Variants in RSPH14 observed in about 807,000 individuals in gnomAD.
The protein encoded by RSPH14 is rhabdoid tumor deletion region gene 1.
Under a neutral mutation model 26.7 loss-of-function variants are expected in RSPH14, and 20 were observed. The ratio of observed to expected loss-of-function variants is 0.75; its 90% confidence interval spans 0.53 to 1.09. The LOEUF is 1.09. Among genes scored for constraint, RSPH14 ranks in the 50% least tolerant of loss-of-function variants. The pLI is 0.00. For synonymous variants in RSPH14, 177 were observed against 189.3 expected, an observed-to-expected ratio of 0.93 and a Z score of 0.53; for missense variants, 449 against 457.2, an observed-to-expected ratio of 0.98 and a Z score of 0.16.
chr22:23,154,689 C>G, the RSPH14 span, among the ~76,000 whole-genome samples: 49 of 152,342 alleles, frequency 3.2e-4, no homozygotes, highest in East Asian at 8.7e-3. Flanking sequence ...ACATTGAGGC[C>G]TTTGCCAGCC....
chr22:23,073,850 G>A (rs5996463), intron 4 of RSPH14, among the ~76,000 whole-genome samples: 116 of 152,168 alleles, frequency 7.6e-4, no homozygotes, highest in African/African-American at 2.7e-3. Context: ...CACACCAGAC[G>A]GGCAGGGGTT....
At chr22:23,091,584 GCACA>G (rs2146303592) in intron 4 of RSPH14, among the ~76,000 whole-genome samples, 1 of 149,578 alleles carries the variant, frequency 6.7e-6, no homozygotes, top group South Asian at 2.1e-4. Context: ...CAGTGGATTT[GCACA>G]CACACAGGCA....
In RSPH14 at chr22:23,085,446, G is replaced by A. The variant is rs1021679035; in HGVS notation, c.422-21313C>T. 2.6e-5 allele frequency among the ~76,000 whole-genome samples: 4 copies of A among 152,182 alleles called. No homozygotes were observed. In the East Asian group the frequency reaches 7.7e-4, roughly 29 times the overall value. On this transcript the variant is annotated intron_variant, in intron 4 of 6. Coordinates refer to ENST00000216036, the MANE Select transcript of RSPH14 (RefSeq NM_014433.3). ...TAGCAGGTTGAGTGACTGATCAGTT[G>A]CCCATACAGATCTGAGGGTGGAAGG...
At chr22:23,094,981 T>C (rs1011431023) in intron 4 of RSPH14, among the ~76,000 whole-genome samples, 20 of 152,202 alleles carry the variant, frequency 1.3e-4, no homozygotes, top group Non-Finnish European at 2.9e-5. Flanking sequence ...GCATGGGGGC[T>C]GGGTGGGCAG....
At chr22:23,120,035 C>T (rs1048104208) in intron 4 of RSPH14, among the ~76,000 whole-genome samples, 1 of 152,184 alleles carries the variant, frequency 6.6e-6, no homozygotes, top group South Asian at 2.1e-4. Flanking sequence ...GGCCCACACT[C>T]GGGAGATGTT....
chr22:23,066,681 G>C (rs1441054712), intron 4 of RSPH14, among the ~76,000 whole-genome samples: 2 of 152,206 alleles, frequency 1.3e-5, no homozygotes, highest in Non-Finnish European at 2.9e-5. Context: ...TCAAGTGGGG[G>C]TGGGGCACAC....
intron 4 of RSPH14, chr22:23,132,711 T>C (rs2070381424): frequency 6.6e-6 from 1 of 152,196 alleles, no homozygotes. Flanking sequence ...TTGGTACAAG[T>C]ATTTTATTCA....
intron 4 of RSPH14, among the ~76,000 whole-genome samples, chr22:23,067,181 T>C (rs557609223): frequency 5.3e-5 from 8 of 152,228 alleles, no homozygotes; most frequent in South Asian, 2.1e-4. Flanking sequence ...CGGATGTCCA[T>C]GGTGTGGAGC....
intron 4 of RSPH14, chr22:23,123,250 C>T (rs1214420728): frequency 1.2e-6 from 2 of 1,614,162 alleles, no homozygotes; most frequent in Non-Finnish European, 1.7e-6. Context: ...GGCCAGAACA[C>T]GTACGAGGAG....
chr22:23,114,927 G>A lies in RSPH14; in HGVS notation c.421+19099C>T, dbSNP rs542090589. 2.6e-5 allele frequency among the ~76,000 whole-genome samples: 4 copies of A among 152,320 alleles called. No individual in the cohort carries two copies. The East Asian group carries it at 7.7e-4, about 29-fold the overall frequency. On this transcript the variant is annotated intron_variant, in intron 4 of 6. Transcript: ENST00000216036. ...GGTGAGGAAAGGGAGAGGGCAGTGG[G>A]GACTGCCATGAAGGCATCTCAGAAG...
rs1980224944 is a variant in RSPH14 at position 23,137,228 on chromosome 22, G to A, written c.302+1612C>T. ...GTGCCTCAGCCTCCTGAGTAGCTGG[G>A]ACTACAGGCATGTGTCATCATGCTC... On this transcript the variant is annotated intron_variant, in intron 3 of 6. Coordinates refer to ENST00000216036, the MANE Select transcript of RSPH14 (RefSeq NM_014433.3). Among the ~76,000 whole-genome samples the A allele has an allele frequency of 1.4e-5, 2 of 138,384 alleles. 1 individual carries two copies. The allele number at this position is 138,384 out of a possible 152,430, so 90.8% of individuals were successfully genotyped here.
chr22:23,063,925 G>A lies in RSPH14; in HGVS notation c.630C>T (p.Ala210=), dbSNP rs145738635. 596 of 1,614,154 alleles carry A rather than the reference G, an allele frequency of 3.7e-4. 5 individuals carry two copies. In the African/African-American group the frequency reaches 4.6e-3, roughly 13 times the overall value. The part of the protein sequence containing the change: ...LSANQNIRSK[A]ARALLNVSIS... ...ACCTGACATTAAGGAGCGCACGGGC[G>A]GCCTTGCTGCGGATGTTCTGGTTGG... is the stretch of plus-strand genomic sequence containing the variant. The change falls in exon 5 of 7, where the codon GCC becomes GCT. Residue 210 remains alanine, a synonymous_variant. Coordinates refer to ENST00000216036, the MANE Select transcript of RSPH14 (RefSeq NM_014433.3).
chr22:23,180,145 T>C, the RSPH14 span: 3 of 247,310 alleles, frequency 1.2e-5, no homozygotes, highest in Non-Finnish European at 2.4e-5. Flanking sequence ...GTGGTGGGGC[T>C]TGGGGACACG....
the RSPH14 span, among the ~76,000 whole-genome samples, chr22:23,154,171 G>A: frequency 1.3e-5 from 2 of 152,038 alleles, no homozygotes; most frequent in Non-Finnish European, 2.9e-5. Flanking sequence ...CTGCAGGCCT[G>A]CCTGGGCTCG....
At chr22:23,128,416 C>A (rs2070235094) in intron 4 of RSPH14, among the ~76,000 whole-genome samples, 1 of 152,224 alleles carries the variant, frequency 6.6e-6, no homozygotes, top group South Asian at 2.1e-4. Flanking sequence ...GGAGCCTGGG[C>A]TGGCAGCCTG....
rs1234589947 is a variant in RSPH14 at position 23,071,645 on chromosome 22, C to G, written c.422-7512G>C. On this transcript the variant is annotated intron_variant, in intron 4 of 6. Transcript: ENST00000216036. The surrounding 1 kb of genome is among the most constrained non-coding windows in gnomAD (Gnocchi z 4.1). ...GTGGACTGGGCCTGCCCTCCCAGGACTGATTGACCACCGCATAGGGGAAAA... is the reference window on the plus strand; with the variant it reads ...GTGGACTGGGCCTGCCCTCCCAGGAGTGATTGACCACCGCATAGGGGAAAA... Among the ~76,000 whole-genome samples the G allele has an allele frequency of 1.3e-5, 2 of 152,168 alleles. No individual in the cohort carries two copies. Among genetic ancestry groups the G allele is most frequent in the East Asian group, 3.9e-4 (2 of 5,182 alleles).
At chr22:23,078,929 G>A (rs555938671) in intron 4 of RSPH14, among the ~76,000 whole-genome samples, 6 of 152,334 alleles carry the variant, frequency 3.9e-5, no homozygotes, top group Non-Finnish European at 8.8e-5. Flanking sequence ...GCGTCTACCC[G>A]TGTCCACCCA....
intron 4 of RSPH14, chr22:23,123,241 G>A: frequency 6.2e-7 from 1 of 1,614,100 alleles, no homozygotes; most frequent in Non-Finnish European, 8.5e-7. Flanking sequence ...GAGTACAAGG[G>A]CCAGAACACG....
At chr22:23,133,998 C>T (rs1268541583) in intron 4 of RSPH14, 28 bp downstream of exon 4, 2 of 1,559,326 alleles carry the variant, frequency 1.3e-6, no homozygotes, top group East Asian at 2.2e-5. Flanking sequence ...GAGTGCCCGA[C>T]AGATCTGTGT....
Sources: gnomAD v4.1 joint callset for allele counts (sites outside exome capture counted in the v4.1 genomes callset) on GRCh38, gnomAD v4.1.1 for gene constraint, Gnocchi (gnomAD v3.1) non-coding constraint, MANE v1.5 for transcripts, NCBI Gene and HGNC (gene_info 2026-07-23, HGNC 2026-07-21) for gene names.